Variants in DPP10 observed in about 807,000 individuals in gnomAD.
DPP10 encodes the protein dipeptidyl peptidase like 10, also known as inactive dipeptidyl peptidase 10.
Under a neutral mutation model 120.9 loss-of-function variants are expected in DPP10, and 33 were observed. The ratio of observed to expected loss-of-function variants is 0.27; its 90% confidence interval spans 0.21 to 0.37. DPP10 has a LOEUF of 0.37. Among genes scored for constraint, DPP10 ranks in the 10% least tolerant of loss-of-function variants. The probability of loss-of-function intolerance (pLI) is 1.00; values close to 1 mark genes in which losing one functional copy is unlikely to be tolerated. For missense variants in DPP10, 816 were observed against 942.8 expected (o/e 0.87, Z 1.76); for synonymous variants, 337 against 326.1 (o/e 1.03, Z -0.36).
intron 3 of DPP10, among the ~76,000 whole-genome samples, chr2:115,357,433 A>G (rs538901534): frequency 6.6e-6 from 1 of 152,210 alleles, no homozygotes; most frequent in Middle Eastern, 3.2e-3. Flanking sequence ...CTTTGAACCC[A>G]TGTCTCACAT....
intron 1 of DPP10, among the ~76,000 whole-genome samples, chr2:114,826,030 A>G (rs989790862): frequency 3.9e-5 from 6 of 152,220 alleles, no homozygotes; most frequent in African/African-American, 1.4e-4. Flanking sequence ...AATTCTGACA[A>G]ACTCAAAGGC....
intron 1 of DPP10, among the ~76,000 whole-genome samples, chr2:114,555,345 G>T (rs371286689): frequency 6.6e-6 from 1 of 151,728 alleles, no homozygotes; most frequent in Non-Finnish European, 1.5e-5. Context: ...ACTCAGCAGT[G>T]AACAAGACTG....
At chr2:115,201,808 A>C (rs76233844) in intron 1 of DPP10, among the ~76,000 whole-genome samples, 6,028 of 152,152 alleles carry the variant, frequency 0.04, 167 homozygotes, top group Admixed American at 0.073. Context: ...AAGAGCAATG[A>C]TTTTGCAAAT....
chr2:115,712,543 A>AATATAT (rs1553486145), intron 7 of DPP10, among the ~76,000 whole-genome samples: 7 of 64,276 alleles, frequency 1.1e-4, no homozygotes, highest in African/African-American at 3.3e-4. Context: ...TCCTGAATTA[A>AATATAT]ATATATATAT....
At chr2:114,639,451 G>A (rs928703845) in intron 1 of DPP10, among the ~76,000 whole-genome samples, 2 of 151,780 alleles carry the variant, frequency 1.3e-5, no homozygotes, top group Non-Finnish European at 2.9e-5. Context: ...TAAACATTGG[G>A]TACTCATGGA....
At chr2:115,455,053 GAAAT>G (rs1558685751) in intron 3 of DPP10, among the ~76,000 whole-genome samples, 1 of 150,742 alleles carries the variant, frequency 6.6e-6, no homozygotes, top group Admixed American at 6.6e-5. Flanking sequence ...TAATGAATAT[GAAAT>G]AAATATAAAT....
chr2:114,909,784 A>G (rs1343460064), intron 1 of DPP10, among the ~76,000 whole-genome samples: 1 of 152,074 alleles, frequency 6.6e-6, no homozygotes, highest in African/African-American at 2.4e-5. Flanking sequence ...GAACAAACAC[A>G]AATCTTCTTT....
At chr2:115,467,857 A>G (rs564031588) in intron 3 of DPP10, among the ~76,000 whole-genome samples, 120 of 152,342 alleles carry the variant, frequency 7.9e-4, no homozygotes, top group African/African-American at 2.8e-3. Flanking sequence ...GATTACAAAC[A>G]AAGATAGCAG....
At chr2:114,545,502 G>T (rs1300199431) in intron 1 of DPP10, among the ~76,000 whole-genome samples, 1 of 152,294 alleles carries the variant, frequency 6.6e-6, no homozygotes, top group Non-Finnish European at 1.5e-5. Context: ...GATTCATTGA[G>T]ATCAACATAC....
intron 1 of DPP10, among the ~76,000 whole-genome samples, chr2:114,880,660 A>C (rs1432875019): frequency 1.3e-5 from 2 of 152,168 alleles, no homozygotes; most frequent in Non-Finnish European, 2.9e-5. Context: ...CTTTACAAAG[A>C]CTGAATTGTT....
At chr2:115,680,553 T>C (rs1031454759) in intron 5 of DPP10, among the ~76,000 whole-genome samples, 2 of 151,890 alleles carry the variant, frequency 1.3e-5, no homozygotes, top group African/African-American at 4.8e-5. Context: ...GATGTATACC[T>C]CACACCGTAA....
In DPP10 at chr2:115,292,524, T is replaced by C. The variant is rs1275172786; in HGVS notation, c.61-16715T>C. 2.0e-5 allele frequency among the ~76,000 whole-genome samples: 3 copies of C among 152,134 alleles called. 1 individual carries two copies. The highest frequency in any genetic ancestry group is 7.2e-5 in the African/African-American group (3 of 41,440). ...ACCATATTTTAACTTATGCATTAGA[T>C]AGAACACTTCCACACATCAAATGTT... On this transcript the variant is annotated intron_variant, in intron 1 of 25. Coordinates refer to ENST00000410059, the MANE Select transcript of DPP10 (RefSeq NM_020868.6).
At position 115,586,371 on chromosome 2, in the gene DPP10, C is replaced by A. The variant is rs147154888; in HGVS notation, c.441+60399C>A. ...TCAAAAAACTGAGAAAATATGACAG[C>A]AAATGTTCTTAGAAAAACTTAGAAT... On this transcript the variant is annotated intron_variant, in intron 5 of 25. Transcript: ENST00000410059. Among the ~76,000 whole-genome samples, 74 of 152,102 alleles carry A rather than the reference C, an allele frequency of 4.9e-4. 1 individual carries two copies. The highest frequency in any genetic ancestry group is 9.6e-4 in the Non-Finnish European group (65 of 67,982).
chr2:114,558,352 C>A lies in DPP10; in HGVS notation c.60+115514C>A, dbSNP rs76898282. Among the ~76,000 whole-genome samples the A allele has an allele frequency of 2.4e-4, 37 of 152,330 alleles. No homozygotes were observed. The East Asian group carries it at 6.6e-3, about 27-fold the overall frequency. ...TGGGCTCTCTTTCTGGTCTTGAATG[C>A]ATCGAGTTTTTATTTGTCTCAGTGC... On this transcript the variant is annotated intron_variant, in intron 1 of 25. Coordinates refer to ENST00000410059, the MANE Select transcript of DPP10 (RefSeq NM_020868.6).
intron 3 of DPP10, among the ~76,000 whole-genome samples, chr2:115,372,371 A>G (rs1286743357): frequency 6.7e-6 from 1 of 148,882 alleles, no homozygotes; most frequent in Non-Finnish European, 1.5e-5. Context: ...CTCTTAAGAG[A>G]GTGAATGAAA....
At chr2:115,320,770 C>CT (rs1322593930) in intron 2 of DPP10, among the ~76,000 whole-genome samples, 1 of 151,922 alleles carries the variant, frequency 6.6e-6, no homozygotes, top group Non-Finnish European at 1.5e-5. Flanking sequence ...ATAAGACTGC[C>CT]TTTTCTATCT....
At chr2:115,005,611 G>T (rs570628632) in intron 1 of DPP10, among the ~76,000 whole-genome samples, 6 of 152,224 alleles carry the variant, frequency 3.9e-5, no homozygotes, top group South Asian at 4.2e-4. Flanking sequence ...GGAAGAAAGG[G>T]TATCAGTAAT....
chr2:114,505,725 T>A (rs889215062), intron 1 of DPP10, among the ~76,000 whole-genome samples: 2 of 152,306 alleles, frequency 1.3e-5, no homozygotes, highest in South Asian at 4.2e-4. Flanking sequence ...CAAAGCCAGC[T>A]GCCTGCCCCA....
chr2:115,529,559 G>C (rs1445791895), intron 5 of DPP10, among the ~76,000 whole-genome samples: 1 of 151,922 alleles, frequency 6.6e-6, no homozygotes, highest in South Asian at 2.1e-4. Flanking sequence ...GTACTGGAAA[G>C]AGGTAAAAAG....
Sources: allele counts gnomAD v4.1 joint callset (sites outside exome capture counted in the v4.1 genomes callset), GRCh38; gene constraint gnomAD v4.1.1; transcripts MANE v1.5; gene names NCBI Gene and HGNC (gene_info 2026-07-23, HGNC 2026-07-21).